Variants in GRM3 observed in about 807,000 individuals in gnomAD.
The protein encoded by GRM3 is glutamate metabotropic receptor 3.
GRM3 carries 26 observed loss-of-function variants against 70.5 expected under a neutral mutation model. The observed-to-expected ratio is 0.37, with a 90% CI of 0.27 to 0.51. The LOEUF (loss-of-function observed/expected upper bound fraction) is 0.51. Ranked by LOEUF, GRM3 falls within the 20% of genes least tolerant of loss-of-function variation. The pLI is 0.93. For missense variants in GRM3, 859 were observed against 1,123.8 expected (o/e 0.76, Z 3.37); for synonymous variants, 443 against 434.9 (o/e 1.02, Z -0.23).
rs144043672 is a variant in GRM3, at chr7:86,781,840, A to G, written c.469-4421A>G. ...TTATATAAAGACTTGGAATAAATAT[A>G]AGACTTTCTTCCAAGCTGCTGTCTT... On this transcript the variant is annotated intron_variant, in intron 2 of 5. Coordinates refer to ENST00000361669, the MANE Select transcript of GRM3 (RefSeq NM_000840.3). 4.3e-3 allele frequency among the ~76,000 whole-genome samples: 656 copies of G among 152,276 alleles called. 8 individuals carry two copies. Among genetic ancestry groups the G allele is most frequent in the Non-Finnish European group, 6.3e-3 (426 of 67,992 alleles).
rs190688333 is a variant in GRM3 at position 86,697,709 on chromosome 7, A to T, written c.-141+52837A>T. Among the ~76,000 whole-genome samples, 45 of 152,218 alleles carry T rather than the reference A, an allele frequency of 3.0e-4. 1 individual carries two copies. Among genetic ancestry groups the T allele is most frequent in the Non-Finnish European group, 4.3e-4 (29 of 68,004 alleles). ...TTTGAAATGATTTCCCTAAAAAAAA[A>T]TTGAAATCCCTTTGCAAACTTACTT... is the stretch of plus-strand genomic sequence containing the variant. On this transcript the variant is annotated intron_variant, in intron 1 of 5. Transcript: ENST00000361669.
At chr7:86,793,437 C>T (rs563217772) in intron 3 of GRM3, among the ~76,000 whole-genome samples, 67 of 152,342 alleles carry the variant, frequency 4.4e-4, no homozygotes, top group African/African-American at 1.6e-3. Context: ...GAGCAAACTG[C>T]TCTTGATCTT....
chr7:86,769,317 T>A (rs7788894), intron 2 of GRM3, among the ~76,000 whole-genome samples: 1 of 152,164 alleles, frequency 6.6e-6, no homozygotes, highest in African/African-American at 2.4e-5. Context: ...AGTATGAACC[T>A]GTCACATAAT....
intron 1 of GRM3, among the ~76,000 whole-genome samples, chr7:86,660,497 C>A (rs938880139): frequency 6.6e-6 from 1 of 151,916 alleles, no homozygotes; most frequent in African/African-American, 2.4e-5. Flanking sequence ...AAACAGAATG[C>A]TTGATAATCT....
chr7:86,737,727 C>T (rs1795897986), intron 1 of GRM3, among the ~76,000 whole-genome samples: 1 of 152,024 alleles, frequency 6.6e-6, no homozygotes, highest in Non-Finnish European at 1.5e-5. Context: ...GGCAGCTTTG[C>T]TAGTGATTAA....
Position 86,864,283 on chromosome 7 carries a change from C to T in GRM3, c.2568C>T (p.Ser856=), listed in dbSNP as rs753862702. ...TTTCTGTCCCACTTTGTTTTCCAGCCTCTGCAAGCACGTATGTGCCAACGG... is the reference window on the plus strand; with the variant it reads ...TTTCTGTCCCACTTTGTTTTCCAGCTTCTGCAAGCACGTATGTGCCAACGG... ...VSGTGTTYSQ[S]SASTYVPTVC... Residue 856 remains serine, a splice_region_variant and synonymous_variant, in exon 6 of 6, where the codon TCC becomes TCT. Coordinates refer to ENST00000361669, the MANE Select transcript of GRM3 (RefSeq NM_000840.3). The T allele has an allele frequency of 6.5e-7, 1 of 1,545,844 alleles. No individual in the cohort carries two copies. Among genetic ancestry groups the T allele is most frequent in the South Asian group, 1.1e-5 (1 of 89,620 alleles).
At chr7:86,688,073 A>T (rs1201400057) in intron 1 of GRM3, among the ~76,000 whole-genome samples, 2 of 151,740 alleles carry the variant, frequency 1.3e-5, no homozygotes, top group Admixed American at 6.6e-5. Context: ...AAATAAAAAA[A>T]ATCTGCATTT....
At chr7:86,667,206 A>G (rs1487165057) in intron 1 of GRM3, among the ~76,000 whole-genome samples, 1 of 152,120 alleles carries the variant, frequency 6.6e-6, no homozygotes, top group Non-Finnish European at 1.5e-5. Context: ...TGCACATCTG[A>G]CCTAAATAGT....
At chr7:86,802,263 C>T (rs1339294113) in intron 3 of GRM3, among the ~76,000 whole-genome samples, 1 of 151,944 alleles carries the variant, frequency 6.6e-6, no homozygotes, top group Non-Finnish European at 1.5e-5. Context: ...CCTACTCACA[C>T]ATTATTTTCC....
chr7:86,805,011 G>T (rs550863031), intron 3 of GRM3, among the ~76,000 whole-genome samples: 1 of 152,120 alleles, frequency 6.6e-6, no homozygotes, highest in East Asian at 1.9e-4. Flanking sequence ...CTACCTGGGA[G>T]GTTGAGGTGG....
At chr7:86,645,393 C>G (rs1269782220) in intron 1 of GRM3, among the ~76,000 whole-genome samples, 1 of 152,148 alleles carries the variant, frequency 6.6e-6, no homozygotes, top group African/African-American at 2.4e-5. Context: ...CTCCCGCAAG[C>G]AGGGTTGGAA....
At chr7:86,755,587 T>C (rs868776172) in intron 1 of GRM3, among the ~76,000 whole-genome samples, 23 of 152,078 alleles carry the variant, frequency 1.5e-4, no homozygotes, top group African/African-American at 5.1e-4. Flanking sequence ...TTGATGGAAA[T>C]ATTTAAATAT....
chr7:86,834,596 T>A lies in GRM3; in HGVS notation c.1325-4243T>A, dbSNP rs569276985. ...GCTCTGCTTTCTCCATTTTTTTTTT[T>A]TTTTATTTTCTGGTTGTTTTAGTCT... On this transcript the variant is annotated intron_variant, in intron 3 of 5. Transcript: ENST00000361669. Among the ~76,000 whole-genome samples, 20 of 152,074 alleles carry A rather than the reference T, an allele frequency of 1.3e-4. No homozygotes were observed. The South Asian group carries it at 1.5e-3, about 11-fold the overall frequency.
rs180950918 is a variant in GRM3 at position 86,805,033 on chromosome 7, G to A, written c.1324+17917G>A. On this transcript the variant is annotated intron_variant, in intron 3 of 5. Coordinates refer to ENST00000361669, the MANE Select transcript of GRM3 (RefSeq NM_000840.3). ...GGAGGTTGAGGTGGGAGGATCACTT[G>A]AGCCCAGGAAGTTGAGGCTGCAATC... is the stretch of plus-strand genomic sequence containing the variant. 2.0e-5 allele frequency among the ~76,000 whole-genome samples: 3 copies of A among 152,050 alleles called. No homozygotes were observed. In the East Asian group the frequency reaches 5.8e-4, roughly 29 times the overall value.
chr7:86,816,752 C>CATAT (rs1314475194), intron 3 of GRM3, among the ~76,000 whole-genome samples: 5 of 151,894 alleles, frequency 3.3e-5, no homozygotes, highest in African/African-American at 1.2e-4. Context: ...CTGCGATGAA[C>CATAT]ATATGCTTGC....
intron 3 of GRM3, among the ~76,000 whole-genome samples, chr7:86,824,603 G>T (rs1193073780): frequency 6.6e-6 from 1 of 152,182 alleles, no homozygotes; most frequent in Non-Finnish European, 1.5e-5. Flanking sequence ...GAGCCTTAAA[G>T]ATAACTGTGT....
rs544235667 is a variant in GRM3 at position 86,779,938 on chromosome 7, C to A, written c.469-6323C>A. 1.7e-4 allele frequency among the ~76,000 whole-genome samples: 26 copies of A among 152,304 alleles called. 1 individual carries two copies. Among genetic ancestry groups the A allele is most frequent in the African/African-American group, 5.8e-4 (24 of 41,552 alleles). On this transcript the variant is annotated intron_variant, in intron 2 of 5. Transcript: ENST00000361669. ...TAAAGCCCATTCTAAATTACACCAGCTTATAACTACAACAATGGGGAAAAG... is the reference window on the plus strand; with the variant it reads ...TAAAGCCCATTCTAAATTACACCAGATTATAACTACAACAATGGGGAAAAG...
intron 1 of GRM3, among the ~76,000 whole-genome samples, chr7:86,660,720 C>A (rs1219966068): frequency 6.6e-6 from 1 of 151,844 alleles, no homozygotes; most frequent in Non-Finnish European, 1.5e-5. Context: ...GAGGTTTAAG[C>A]ATTTGAAGAT....
chr7:86,672,603 T>TTTTTTC (rs1584154267), intron 1 of GRM3, among the ~76,000 whole-genome samples: 3 of 151,730 alleles, frequency 2.0e-5, no homozygotes, highest in East Asian at 3.9e-4. Flanking sequence ...TTTTTGTTTT[T>TTTTTTC]GTTTTTTTTT....
Sources: allele counts gnomAD v4.1 joint callset (sites outside exome capture counted in the v4.1 genomes callset), GRCh38; gene constraint gnomAD v4.1.1; transcripts MANE v1.5; gene names NCBI Gene and HGNC (gene_info 2026-07-23, HGNC 2026-07-21).